Variants in TAS2R1 observed in about 807,000 individuals in gnomAD.
The protein encoded by TAS2R1 is taste receptor type 2 member 1.
For missense variants in TAS2R1, 370 were observed against 353.4 expected (o/e 1.05, Z -0.38); for synonymous variants, 141 against 134.2 (o/e 1.05, Z -0.35).
At chr5:9,738,970 T>C in the TAS2R1 span, among the ~76,000 whole-genome samples, 1 of 152,220 alleles carries the variant, frequency 6.6e-6, no homozygotes, top group Non-Finnish European at 1.5e-5. Context: ...CTAACATCAT[T>C]ACATTTTTCT....
At chr5:9,789,345 C>G in the TAS2R1 span, among the ~76,000 whole-genome samples, 1 of 152,184 alleles carries the variant, frequency 6.6e-6, no homozygotes, top group East Asian at 1.9e-4. Context: ...GATATACATA[C>G]AGAGTCATTT....
chr5:9,682,157 G>C (rs1199142572), intron 1 of TAS2R1, among the ~76,000 whole-genome samples: 1 of 152,144 alleles, frequency 6.6e-6, no homozygotes, highest in Non-Finnish European at 1.5e-5. Context: ...GTTTTTATAG[G>C]TTAATACCTA....
chr5:9,799,992 T>C, the TAS2R1 span, among the ~76,000 whole-genome samples: 41 of 152,218 alleles, frequency 2.7e-4, no homozygotes, highest in African/African-American at 9.4e-4. Context: ...GATTTAGCAA[T>C]GTGGAAAAAG....
At position 9,628,007 on chromosome 5, in the gene TAS2R1, T is replaced by C. The variant is rs1739786518; in HGVS notation, c.*1126A>G. Among the ~76,000 whole-genome samples the C allele has an allele frequency of 6.6e-6, 1 of 152,210 alleles. No homozygotes were observed. Among genetic ancestry groups the C allele is most frequent in the Non-Finnish European group, 1.5e-5 (1 of 68,034 alleles). On this transcript the variant is annotated 3_prime_UTR_variant, in exon 1 of 1. Transcript: ENST00000382492. ...CTAAACCTAAACCTGCTTTGCATCA[T>C]CACGCCTGAACTACAAGTTACCGCT...
the TAS2R1 span, among the ~76,000 whole-genome samples, chr5:9,726,957 A>G: frequency 6.6e-6 from 1 of 152,250 alleles, no homozygotes; most frequent in African/African-American, 2.4e-5. Context: ...CATGAGTGAC[A>G]GAGGGGCCCA....
At chr5:9,824,281 T>C in the TAS2R1 span, among the ~76,000 whole-genome samples, 1 of 152,184 alleles carries the variant, frequency 6.6e-6, no homozygotes, top group Non-Finnish European at 1.5e-5. Context: ...GTCCCCAAAA[T>C]GAATCAAGGA....
At chr5:9,640,890 C>G (rs1018545004) in intron 2 of TAS2R1, among the ~76,000 whole-genome samples, 1 of 152,152 alleles carries the variant, frequency 6.6e-6, no homozygotes, top group Non-Finnish European at 1.5e-5. Context: ...CTTAGAAAGA[C>G]AGTCATTGTT....
chr5:9,633,262 C>A (rs1739900038), upstream of TAS2R1, among the ~76,000 whole-genome samples: 1 of 118,546 alleles, frequency 8.4e-6, no homozygotes, highest in Non-Finnish European at 1.7e-5. Context: ...GAGTAGTATT[C>A]CATAGTGTGT....
intron 1 of TAS2R1, chr5:9,712,160 C>G (rs1347640144): frequency 6.6e-6 from 1 of 152,186 alleles, no homozygotes; most frequent in African/African-American, 2.4e-5. Flanking sequence ...TCAGTTCACT[C>G]ATTTATCTTA....
chr5:9,802,707 C>T, the TAS2R1 span, among the ~76,000 whole-genome samples: 2 of 152,116 alleles, frequency 1.3e-5, no homozygotes, highest in Admixed American at 1.3e-4. Context: ...TTGAGACCAT[C>T]CTGGTCAACA....
the TAS2R1 span, among the ~76,000 whole-genome samples, chr5:9,822,277 C>T: frequency 2.1e-4 from 32 of 151,954 alleles, no homozygotes; most frequent in African/African-American, 6.5e-4. Flanking sequence ...ACTTCCCTGA[C>T]CCCCCATTTA....
chr5:9,747,723 G>A, the TAS2R1 span, among the ~76,000 whole-genome samples: 1 of 151,930 alleles, frequency 6.6e-6, no homozygotes, highest in Non-Finnish European at 1.5e-5. Flanking sequence ...AGAGCACCAG[G>A]GGAGAAAGTA....
At chr5:9,697,047 A>G (rs1250145731) in intron 1 of TAS2R1, among the ~76,000 whole-genome samples, 5 of 152,090 alleles carry the variant, frequency 3.3e-5, no homozygotes, top group African/African-American at 9.7e-5. Flanking sequence ...GAAATTCACA[A>G]AAGGCACTGC....
At chr5:9,739,426 C>T in the TAS2R1 span, among the ~76,000 whole-genome samples, 7 of 152,242 alleles carry the variant, frequency 4.6e-5, no homozygotes, top group African/African-American at 1.4e-4. Context: ...AAACTACATT[C>T]CAGACTCACT....
the TAS2R1 span, among the ~76,000 whole-genome samples, chr5:9,774,968 C>T: frequency 6.6e-6 from 1 of 152,182 alleles, no homozygotes; most frequent in Non-Finnish European, 1.5e-5. Context: ...TAGGGCTCTA[C>T]AATCAGCAGC....
the TAS2R1 span, among the ~76,000 whole-genome samples, chr5:9,749,250 C>T: frequency 2.0e-5 from 3 of 152,146 alleles, no homozygotes; most frequent in Non-Finnish European, 4.4e-5. Context: ...AAGCTACCCT[C>T]GTAGAATGTG....
chr5:9,707,556 G>A (rs1213783168), intron 1 of TAS2R1, among the ~76,000 whole-genome samples: 2 of 152,146 alleles, frequency 1.3e-5, no homozygotes, highest in Admixed American at 6.5e-5. Context: ...GGTGGTGTGT[G>A]CCTGTAGTCC....
At chr5:9,876,839 G>T in the TAS2R1 span, among the ~76,000 whole-genome samples, 1 of 152,182 alleles carries the variant, frequency 6.6e-6, no homozygotes, top group East Asian at 1.9e-4. Context: ...TTGTCTAGTT[G>T]CAGAGATTAC....
chr5:9,730,036 T>C, the TAS2R1 span, among the ~76,000 whole-genome samples: 1,307 of 152,244 alleles, frequency 8.6e-3, 19 homozygotes, highest in African/African-American at 0.03. Flanking sequence ...TATAAATATA[T>C]GAATGCCAGC....
Sources: allele counts gnomAD v4.1 joint callset (sites outside exome capture counted in the v4.1 genomes callset), GRCh38; gene constraint gnomAD v4.1.1; transcripts MANE v1.5; gene names NCBI Gene and HGNC (gene_info 2026-07-23, HGNC 2026-07-21).